RIN3: variants seen among roughly 807,000 people sequenced by gnomAD.
The protein encoded by RIN3 is Ras and Rab interactor 3.
A neutral mutation model predicts 76.3 loss-of-function variants in RIN3; 54 were observed. The ratio of observed to expected loss-of-function variants is 0.71; its 90% CI spans 0.57 to 0.89. The LOEUF is 0.89. RIN3 is among the 40% of genes least tolerant of loss of function. The pLI is 0.00. For synonymous variants in RIN3, 576 were observed against 564.0 expected (o/e 1.02, Z -0.30); for missense variants, 1,256 against 1,322.1 (o/e 0.95, Z 0.78).
At position 92,513,782 on chromosome 14, in the gene RIN3, G is replaced by C; in HGVS notation, c.-151G>C. 4.8e-6 allele frequency: 2 copies of C among 413,580 alleles called. No individual in the cohort carries two copies. The highest frequency in any genetic ancestry group is 8.1e-6 in the Non-Finnish European group (2 of 245,458). 25.6% of individuals were successfully genotyped at this position (413,580 alleles called of 1,614,324 possible). On this transcript the variant is annotated 5_prime_UTR_variant, in exon 1 of 10. Transcript: ENST00000216487. ...CCCGCTCGCTCCGATACAGGAAGTA[G>C]AAGGGAGCGAGAGCCCCAGAGCGCG... is the stretch of plus-strand genomic sequence containing the variant.
At position 92,519,856 on chromosome 14, in the gene RIN3, G is replaced by A. The variant is rs145788562; in HGVS notation, c.44+5880G>A. Among the ~76,000 whole-genome samples the A allele has an allele frequency of 3.2e-3, 490 of 152,332 alleles. 4 individuals carry two copies. The highest frequency in any genetic ancestry group is 0.011 in the African/African-American group (469 of 41,574). ...TACATGGGAGGCCTTCCCTCAGCCT[G>A]GCGTCCACAGGGCAGTGGGAAGGCA... On this transcript the variant is annotated intron_variant, in intron 1 of 9. Transcript: ENST00000216487.
At chr14:92,594,056 C>T (rs547119481) in intron 3 of RIN3, among the ~76,000 whole-genome samples, 1 of 152,234 alleles carries the variant, frequency 6.6e-6, no homozygotes, top group East Asian at 1.9e-4. Context: ...ACAGAATGCA[C>T]ATTCTTTTGA....
At chr14:92,649,857 A>T (rs925213625) in intron 5 of RIN3, among the ~76,000 whole-genome samples, 1 of 152,164 alleles carries the variant, frequency 6.6e-6, no homozygotes, top group Non-Finnish European at 1.5e-5. Context: ...GACACAGGGT[A>T]TCTGCCCAGG....
intron 7 of RIN3, 83 bp downstream of exon 7, chr14:92,659,552 C>A: frequency 1.5e-6 from 2 of 1,311,446 alleles, no homozygotes; most frequent in Non-Finnish European, 2.1e-6. Context: ...GACTCCAGAG[C>A]CCTTGGAAGG....
chr14:92,541,427 C>T (rs767491630), intron 1 of RIN3, among the ~76,000 whole-genome samples: 12 of 152,154 alleles, frequency 7.9e-5, no homozygotes, highest in Non-Finnish European at 1.3e-4. Context: ...CTCCACATTT[C>T]AGAAGTGCAA....
At chr14:92,604,804 C>T (rs1322171991) in intron 3 of RIN3, among the ~76,000 whole-genome samples, 1 of 151,966 alleles carries the variant, frequency 6.6e-6, no homozygotes, top group Non-Finnish European at 1.5e-5. Flanking sequence ...ACCCACCCCT[C>T]CCCACCAAGA....
intron 3 of RIN3, among the ~76,000 whole-genome samples, chr14:92,594,590 A>G (rs1885093242): frequency 6.6e-6 from 1 of 152,266 alleles, no homozygotes; most frequent in South Asian, 2.1e-4. Flanking sequence ...GGAATCTCAA[A>G]AGAAATTTAA....
chr14:92,675,657 TAGA>T (rs887776097), intron 7 of RIN3, among the ~76,000 whole-genome samples: 22 of 152,248 alleles, frequency 1.4e-4, no homozygotes, highest in Non-Finnish European at 2.5e-4. Context: ...AGAGTCTGGC[TAGA>T]AGACCAGCCA....
chr14:92,688,278 C>G lies in RIN3; in HGVS notation c.*26C>G. The G allele has an allele frequency of 6.6e-7, 1 of 1,513,366 alleles. No individual in the cohort carries two copies. The highest frequency in any genetic ancestry group is 8.8e-7 in the Non-Finnish European group (1 of 1,130,842). 93.7% of individuals were successfully genotyped at this position (1,513,366 alleles called of 1,614,324 possible). On this transcript the variant is annotated 3_prime_UTR_variant, in exon 10 of 10. Coordinates refer to ENST00000216487, the MANE Select transcript of RIN3 (RefSeq NM_024832.5). ...GGCCCTCCCGGGGCGCCTCCCCTCA[C>G]CCCCAGGCGCACGTCTGGCCCCGCC...
intron 4 of RIN3, among the ~76,000 whole-genome samples, chr14:92,632,996 C>T (rs922674166): frequency 2.6e-5 from 4 of 152,144 alleles, no homozygotes; most frequent in Admixed American, 1.3e-4. Flanking sequence ...TGCTCTTCAG[C>T]GAGCAACCTG....
chr14:92,620,204 G>T (rs771452733), intron 4 of RIN3, among the ~76,000 whole-genome samples: 1 of 152,196 alleles, frequency 6.6e-6, no homozygotes, highest in African/African-American at 2.4e-5. Flanking sequence ...AGACTGACTA[G>T]TAAGAAACTC....
rs1012580946 is a variant in RIN3, at chr14:92,643,351, C to T, written c.532+2022C>T. Among the ~76,000 whole-genome samples, 1 of 152,176 alleles carries T rather than the reference C, an allele frequency of 6.6e-6. No homozygotes were observed. On this transcript the variant is annotated intron_variant, in intron 5 of 9. Transcript: ENST00000216487. This position sits in a 1 kb window ranked among gnomAD's most constrained non-coding sequence, Gnocchi z 4.8. ...ACAGGCGTGAGCCACCACACCCGGC[C>T]GCCTCTTAGCTCTTTATCCAAATTC...
intron 8 of RIN3, among the ~76,000 whole-genome samples, chr14:92,684,727 G>A (rs1888786818): frequency 1.3e-5 from 2 of 152,098 alleles, no homozygotes; most frequent in Non-Finnish European, 2.9e-5. Context: ...TTTTAAATAA[G>A]CAAGAGTTTC....
rs987599957 is a variant in RIN3 at position 92,656,157 on chromosome 14, A to G, written c.2027-3004A>G. Among the ~76,000 whole-genome samples the G allele has an allele frequency of 1.3e-5, 2 of 152,008 alleles. No individual in the cohort carries two copies. Among genetic ancestry groups the G allele is most frequent in the African/African-American group, 4.8e-5 (2 of 41,358 alleles). On this transcript the variant is annotated intron_variant, in intron 6 of 9. Coordinates refer to ENST00000216487, the MANE Select transcript of RIN3 (RefSeq NM_024832.5). The surrounding 1 kb of genome is among the most constrained non-coding windows in gnomAD (Gnocchi z 5.2). ...CAGCCCTGCCTTCCAGAGTTGGGGGAGTGTAAGAGCTGAGGCCCAAAGGAG... is the reference window on the plus strand; with the variant it reads ...CAGCCCTGCCTTCCAGAGTTGGGGGGGTGTAAGAGCTGAGGCCCAAAGGAG...
chr14:92,622,961 T>C (rs747602120), intron 4 of RIN3, among the ~76,000 whole-genome samples: 4 of 152,242 alleles, frequency 2.6e-5, no homozygotes, highest in African/African-American at 7.2e-5. Context: ...TTTGTTACTA[T>C]AGGATTGGGA....
At chr14:92,524,089 G>A (rs1006162255) in intron 1 of RIN3, among the ~76,000 whole-genome samples, 3 of 152,224 alleles carry the variant, frequency 2.0e-5, no homozygotes, top group Non-Finnish European at 2.9e-5. Flanking sequence ...AGCTACTCGG[G>A]AGGCTGAGGC....
intron 2 of RIN3, among the ~76,000 whole-genome samples, chr14:92,569,190 G>T (rs1019016582): frequency 6.6e-6 from 1 of 152,158 alleles, no homozygotes; most frequent in Non-Finnish European, 1.5e-5. Flanking sequence ...AATCCCTTCT[G>T]ATTCTCTTTC....
rs149690430 is a variant in RIN3 at position 92,577,459 on chromosome 14, A to G, written c.349A>G (p.Ile117Val). 4.9e-5 allele frequency: 79 copies of G among 1,611,852 alleles called. No homozygotes were observed. Among genetic ancestry groups the G allele is most frequent in the Non-Finnish European group, 6.4e-5 (75 of 1,178,376 alleles). The change falls in exon 3 of 10, where the codon ATT (isoleucine) becomes GTT (valine). Residue 117 changes from isoleucine to valine, a missense_variant. Around this residue, in one of 3 missense-constraint regions of RIN3, gnomAD observed 610 missense variants for 626.4 expected, o/e 0.97. Transcript: ENST00000216487. ...CTCGGCCGAGGTGCTCGAATACACC[A>G]TTAAGGAAGAAAAGTCGAGTAAGTA... Reference protein sequence around the residue: ...ESSAEVLEYTIKEEKSILYLE... With the variant: ...ESSAEVLEYTVKEEKSILYLE...
At chr14:92,661,632 G>A (rs745596333) in intron 7 of RIN3, among the ~76,000 whole-genome samples, 3 of 152,000 alleles carry the variant, frequency 2.0e-5, no homozygotes, top group African/African-American at 4.8e-5. Context: ...GCTGGAGCAG[G>A]AGAATCACTT....
Sources: allele counts gnomAD v4.1 joint callset (sites outside exome capture counted in the v4.1 genomes callset), GRCh38; gene constraint gnomAD v4.1.1; regional missense constraint gnomAD v4.1.1; non-coding constraint Gnocchi (gnomAD v3.1); transcripts MANE v1.5; gene names NCBI Gene and HGNC (gene_info 2026-07-23, HGNC 2026-07-21).